Variants in UNC13C observed in about 807,000 individuals in gnomAD.
The protein encoded by UNC13C is protein unc-13 homolog C.
A neutral mutation model predicts 245.4 loss-of-function variants in UNC13C; 174 were observed. That is an observed-to-expected ratio of 0.71 (90% CI 0.63 to 0.80). The LOEUF (loss-of-function observed/expected upper bound fraction) is 0.80. Among genes scored for constraint, UNC13C ranks in the 30% least tolerant of loss-of-function variants. The pLI is 0.00. For missense variants in UNC13C, 2,829 were observed against 2,602.9 expected (o/e 1.09, Z -1.89); for synonymous variants, 992 against 895.1 (o/e 1.11, Z -1.93).
chr15:53,862,738 C>A, the UNC13C span, among the ~76,000 whole-genome samples: 1 of 152,158 alleles, frequency 6.6e-6, no homozygotes, highest in Admixed American at 6.5e-5. Flanking sequence ...CGAAAGCAAT[C>A]TCTCTGGTGT....
At chr15:54,280,711 TATAC>T (rs1221314908) in intron 10 of UNC13C, among the ~76,000 whole-genome samples, 5 of 134,286 alleles carry the variant, frequency 3.7e-5, no homozygotes, top group African/African-American at 1.5e-4. Flanking sequence ...TACATACATA[TATAC>T]ATATATAAAC....
At chr15:54,151,305 C>A (rs1368090814) in intron 4 of UNC13C, among the ~76,000 whole-genome samples, 1 of 152,096 alleles carries the variant, frequency 6.6e-6, no homozygotes, top group Non-Finnish European at 1.5e-5. Flanking sequence ...TTTTTACTTC[C>A]ATTATTTAAT....
At chr15:53,979,882 C>G (rs997265346) in intron 1 of UNC13C, among the ~76,000 whole-genome samples, 2 of 152,072 alleles carry the variant, frequency 1.3e-5, no homozygotes, top group African/African-American at 4.8e-5. Flanking sequence ...CTCATCAATA[C>G]TTTTCATAAA....
intron 4 of UNC13C, among the ~76,000 whole-genome samples, chr15:54,209,773 C>T (rs912670284): frequency 7.2e-5 from 11 of 152,062 alleles, no homozygotes; most frequent in Admixed American, 2.6e-4. Flanking sequence ...CTCTTAATAT[C>T]GGCTAAACAA....
chr15:54,186,686 T>C (rs1405710296), intron 4 of UNC13C, among the ~76,000 whole-genome samples: 1 of 151,862 alleles, frequency 6.6e-6, no homozygotes, highest in Non-Finnish European at 1.5e-5. Context: ...ACCCACTCCA[T>C]GTAAGAACAA....
Position 54,284,035 on chromosome 15 carries a change from C to T in UNC13C, c.3819-9860C>T, listed in dbSNP as rs578093377. ...ACAAACAACAGCAACAGACACTGTT[C>T]CAGTCCCTTTACAGTTGTATGATCT... On this transcript the variant is annotated intron_variant, in intron 10 of 32. Coordinates refer to ENST00000260323, the MANE Select transcript of UNC13C (RefSeq NM_001080534.3). Among the ~76,000 whole-genome samples the T allele has an allele frequency of 2.6e-5, 4 of 152,278 alleles. No homozygotes were observed. The East Asian group carries it at 7.7e-4, about 29-fold the overall frequency.
chr15:53,941,769 A>G, the UNC13C span, among the ~76,000 whole-genome samples: 1 of 152,212 alleles, frequency 6.6e-6, no homozygotes, highest in Non-Finnish European at 1.5e-5. Flanking sequence ...GACATCTCCC[A>G]AAAGAGGACA....
intron 13 of UNC13C, among the ~76,000 whole-genome samples, chr15:54,320,520 T>C (rs2038124659): frequency 6.6e-6 from 1 of 151,960 alleles, no homozygotes; most frequent in Admixed American, 6.6e-5. Flanking sequence ...GAAACTAAAA[T>C]AACGTGTTAT....
At chr15:54,096,858 T>G (rs2141146657) in intron 2 of UNC13C, among the ~76,000 whole-genome samples, 1 of 152,334 alleles carries the variant, frequency 6.6e-6, no homozygotes, top group Non-Finnish European at 1.5e-5. Flanking sequence ...GTAAATATGT[T>G]TTTAATATTC....
chr15:54,587,019 CT>C (rs1319699713), intron 30 of UNC13C, among the ~76,000 whole-genome samples: 4 of 152,168 alleles, frequency 2.6e-5, no homozygotes, highest in African/African-American at 4.8e-5. Context: ...TTAATCACCC[CT>C]AGATTCATTT....
chr15:54,078,268 T>C (rs1047165458), intron 2 of UNC13C, among the ~76,000 whole-genome samples: 1 of 152,216 alleles, frequency 6.6e-6, no homozygotes, highest in Non-Finnish European at 1.5e-5. Context: ...TCCATAACTT[T>C]GCTACTGTGA....
chr15:53,976,109 G>A (rs8024617), upstream of UNC13C, among the ~76,000 whole-genome samples: 52,223 of 151,972 alleles, frequency 0.34, 10,696 homozygotes, highest in Middle Eastern at 0.49. Flanking sequence ...TAGGGATTTT[G>A]ATGTCCCTGC....
intron 19 of UNC13C, among the ~76,000 whole-genome samples, chr15:54,480,690 T>G (rs990525577): frequency 6.6e-6 from 1 of 152,168 alleles, no homozygotes; most frequent in Admixed American, 6.5e-5. Flanking sequence ...TTTTAATTAA[T>G]TTTTAAGTAT....
At chr15:54,587,477 T>C (rs1463528287) in intron 30 of UNC13C, among the ~76,000 whole-genome samples, 1 of 152,112 alleles carries the variant, frequency 6.6e-6, no homozygotes, top group Non-Finnish European at 1.5e-5. Flanking sequence ...CTGGACAAAA[T>C]AGAGATATGA....
chr15:54,120,959 T>G (rs77143063), intron 2 of UNC13C, among the ~76,000 whole-genome samples: 1,687 of 152,254 alleles, frequency 0.011, 28 homozygotes, highest in African/African-American at 0.038. Context: ...TAAATGGGTT[T>G]CTGAGATGGC....
At chr15:54,386,752 T>C (rs1164643692) in intron 17 of UNC13C, among the ~76,000 whole-genome samples, 1 of 152,164 alleles carries the variant, frequency 6.6e-6, no homozygotes, top group African/African-American at 2.4e-5. Context: ...GAGAATTGAA[T>C]TGTAATGAGT....
the UNC13C span, among the ~76,000 whole-genome samples, chr15:53,919,699 A>T: frequency 6.6e-6 from 1 of 152,210 alleles, no homozygotes; most frequent in Non-Finnish European, 1.5e-5. Flanking sequence ...ACCAAGAATG[A>T]GATTGAGAGT....
intron 17 of UNC13C, among the ~76,000 whole-genome samples, chr15:54,381,403 CT>C (rs2039721998): frequency 6.6e-6 from 1 of 151,358 alleles, no homozygotes; most frequent in Non-Finnish European, 1.5e-5. Flanking sequence ...GCTTTTTTTT[CT>C]TTTTTTACAC....
At chr15:54,603,111 C>G (rs562586259) in intron 30 of UNC13C, among the ~76,000 whole-genome samples, 1 of 152,164 alleles carries the variant, frequency 6.6e-6, no homozygotes, top group African/African-American at 2.4e-5. Flanking sequence ...CTGGCATAAT[C>G]CTGTTTTGGG....
Sources: allele counts gnomAD v4.1 joint callset (sites outside exome capture counted in the v4.1 genomes callset), GRCh38; gene constraint gnomAD v4.1.1; transcripts MANE v1.5; gene names NCBI Gene and HGNC (gene_info 2026-07-23, HGNC 2026-07-21).